The following LRRC37A2 variants were observed in gnomAD, a reference collection of about 807,000 sequenced individuals.
LRRC37A2 encodes the protein leucine rich repeat containing 37 member A2.
LRRC37A2 carries 9 observed loss-of-function variants against 68.8 expected under a neutral mutation model. That is an observed-to-expected ratio of 0.13 (90% CI 0.08 to 0.23). The LOEUF is 0.23. Ranked by LOEUF, LRRC37A2 falls within the 10% of genes least tolerant of loss-of-function variation. The pLI is 1.00. For missense variants in LRRC37A2, 168 were observed against 950.4 expected (o/e 0.18, Z 10.82); for synonymous variants, 63 against 367.6 (o/e 0.17, Z 9.48).
the LRRC37A2 span, chr17:46,966,672 T>A: frequency 1.8e-6 from 1 of 557,558 alleles, no homozygotes; most frequent in Non-Finnish European, 3.2e-6. Flanking sequence ...GAACTCAGGC[T>A]TGGATTTGAA....
the LRRC37A2 span, among the ~76,000 whole-genome samples, chr17:46,953,017 T>A: frequency 6.6e-6 from 1 of 152,020 alleles, no homozygotes; most frequent in East Asian, 1.9e-4. Flanking sequence ...ATTCTTTTTG[T>A]TTTTAAATTT....
chr17:46,923,070 G>C, the LRRC37A2 span: 1 of 728,494 alleles, frequency 1.4e-6, no homozygotes, highest in Non-Finnish European at 2.4e-6. Flanking sequence ...GCGCGCGTGC[G>C]GGCAGCCCTG....
At chr17:46,808,802 TAA>T in the LRRC37A2 span, among the ~76,000 whole-genome samples, 1 of 150,836 alleles carries the variant, frequency 6.6e-6, no homozygotes, top group East Asian at 1.9e-4. Flanking sequence ...GAACTGGGAT[TAA>T]AAAAAAAGAA....
the LRRC37A2 span, chr17:46,948,757 G>C: frequency 6.6e-6 from 1 of 152,234 alleles, no homozygotes; most frequent in African/African-American, 2.4e-5. Flanking sequence ...CTGTGGATGT[G>C]GGGCAGCCTG....
chr17:46,940,303 C>G, the LRRC37A2 span: 3 of 1,441,220 alleles, frequency 2.1e-6, no homozygotes. Context: ...AAATGGGCCC[C>G]AGGTTTCCAA....
chr17:46,776,457 G>A, the LRRC37A2 span, among the ~76,000 whole-genome samples: 1 of 152,216 alleles, frequency 6.6e-6, no homozygotes, highest in East Asian at 1.9e-4. Context: ...CTCACGGCAG[G>A]TCTGTAATAA....
At chr17:46,569,531 T>TA in the LRRC37A2 span, among the ~76,000 whole-genome samples, 2 of 136,600 alleles carry the variant, frequency 1.5e-5, no homozygotes, top group Non-Finnish European at 3.1e-5. Flanking sequence ...CTAAAAAAGT[T>TA]AAAAAAATAA....
chr17:46,830,512 C>G, the LRRC37A2 span: 2 of 395,338 alleles, frequency 5.1e-6, no homozygotes, highest in East Asian at 7.2e-5. Context: ...TCTCAAAGGG[C>G]TGGGATTACA....
the LRRC37A2 span, among the ~76,000 whole-genome samples, chr17:46,845,266 G>A: frequency 9.2e-5 from 14 of 152,196 alleles, no homozygotes; most frequent in East Asian, 2.5e-3. Context: ...GGGACTTCAC[G>A]GTGGTTGAAG....
the LRRC37A2 span, chr17:46,939,653 A>T: frequency 2.0e-6 from 2 of 985,600 alleles, no homozygotes; most frequent in Non-Finnish European, 2.4e-6. Context: ...TCTTCCCTGA[A>T]ATATATTAGC....
the LRRC37A2 span, among the ~76,000 whole-genome samples, chr17:46,798,624 T>C: frequency 6.6e-6 from 1 of 152,102 alleles, no homozygotes; most frequent in African/African-American, 2.4e-5. Context: ...TCAGCCTGCA[T>C]CCCACCCAGG....
chr17:46,723,488 A>G, the LRRC37A2 span, among the ~76,000 whole-genome samples: 1 of 152,232 alleles, frequency 6.6e-6, no homozygotes, highest in Non-Finnish European at 1.5e-5. Context: ...AGCCAAAAGG[A>G]ACCATCATTG....
At chr17:46,977,582 C>G in the LRRC37A2 span, among the ~76,000 whole-genome samples, 1 of 152,218 alleles carries the variant, frequency 6.6e-6, no homozygotes, top group South Asian at 2.1e-4. Context: ...TGGGAGGCTC[C>G]AAGTCCCCTG....
the LRRC37A2 span, among the ~76,000 whole-genome samples, chr17:46,823,906 G>A: frequency 9.9e-5 from 15 of 152,200 alleles, no homozygotes; most frequent in Non-Finnish European, 1.9e-4. Flanking sequence ...AGCGTTAAAT[G>A]AGAATGGTGC....
At chr17:46,873,314 C>T in the LRRC37A2 span, among the ~76,000 whole-genome samples, 1 of 152,112 alleles carries the variant, frequency 6.6e-6, no homozygotes, top group East Asian at 1.9e-4. Context: ...CACCCACCCA[C>T]TAAGCATCCA....
chr17:46,970,747 T>C, the LRRC37A2 span, among the ~76,000 whole-genome samples: 1 of 152,168 alleles, frequency 6.6e-6, no homozygotes, highest in Non-Finnish European at 1.5e-5. Context: ...CAGTGATGTT[T>C]GCATAAAAGA....
the LRRC37A2 span, among the ~76,000 whole-genome samples, chr17:46,609,614 T>G: frequency 2.7e-5 from 4 of 148,038 alleles, no homozygotes; most frequent in East Asian, 6.0e-4. Context: ...TATGTTTATA[T>G]TTATTAGTAA....
chr17:46,956,140 C>A, the LRRC37A2 span, among the ~76,000 whole-genome samples: 8 of 152,164 alleles, frequency 5.3e-5, no homozygotes, highest in Admixed American at 3.3e-4. Flanking sequence ...CAGGGAAAAA[C>A]CGATTCACAG....
At chr17:46,724,570 C>T in the LRRC37A2 span, among the ~76,000 whole-genome samples, 4 of 152,196 alleles carry the variant, frequency 2.6e-5, no homozygotes, top group African/African-American at 9.7e-5. Context: ...TTCCAAGGCA[C>T]TGGGGAAATA....
Sources: gnomAD v4.1 joint callset for allele counts (sites outside exome capture counted in the v4.1 genomes callset) on GRCh38, gnomAD v4.1.1 for gene constraint, MANE v1.5 for transcripts, NCBI Gene and HGNC (gene_info 2026-07-23, HGNC 2026-07-21) for gene names.